SHANK2: variants seen among roughly 807,000 people sequenced by gnomAD.
SHANK2 encodes the protein SH3 and multiple ankyrin repeat domains protein 2.
In SHANK2, 43 loss-of-function variants were observed where a neutral mutation model predicts 133.7. The observed-to-expected ratio is 0.32, with a 90% confidence interval of 0.25 to 0.41. The LOEUF (loss-of-function observed/expected upper bound fraction) is 0.41, where lower values mean the gene tolerates loss of function less well. Ranked by LOEUF, SHANK2 falls within the 10% of genes least tolerant of loss-of-function variation. The pLI, the probability that SHANK2 is intolerant of heterozygous loss-of-function variation, is 1.00. For missense variants in SHANK2, 1,994 were observed against 2,235.8 expected, an observed-to-expected ratio of 0.89 and a Z score of 2.18; for synonymous variants, 1,017 against 952.8, an observed-to-expected ratio of 1.07 and a Z score of -1.24.
chr11:71,200,843 C>T (rs1312192408), intron 2 of SHANK2, among the ~76,000 whole-genome samples: 1 of 151,628 alleles, frequency 6.6e-6, no homozygotes, highest in African/African-American at 2.4e-5. Context: ...CACACACACA[C>T]ACACACACAC....
At chr11:70,753,970 CCTGA>C (rs570840219) in intron 14 of SHANK2, among the ~76,000 whole-genome samples, 43 of 152,284 alleles carry the variant, frequency 2.8e-4, no homozygotes, top group East Asian at 1.7e-3. Context: ...CACCACCATG[CCTGA>C]CTAATTTTTG....
At chr11:70,776,091 G>C (rs541372974) in intron 14 of SHANK2, among the ~76,000 whole-genome samples, 1 of 152,370 alleles carries the variant, frequency 6.6e-6, no homozygotes, top group African/African-American at 2.4e-5. Context: ...CCAAGCAAGA[G>C]AACGCAGGTC....
intron 14 of SHANK2, among the ~76,000 whole-genome samples, chr11:70,772,122 G>A (rs1445412865): frequency 6.6e-6 from 1 of 152,114 alleles, no homozygotes; most frequent in Non-Finnish European, 1.5e-5. Context: ...TGGGGCCCGT[G>A]TAACAGTGGG....
intron 17 of SHANK2, among the ~76,000 whole-genome samples, chr11:70,508,134 C>T (rs554858947): frequency 1.3e-5 from 2 of 152,354 alleles, no homozygotes; most frequent in Middle Eastern, 3.4e-3. Flanking sequence ...ACAGCCTGTG[C>T]CCGGCTCTGA....
At chr11:70,509,748 G>GTTACATC (rs1554969003) in intron 17 of SHANK2, among the ~76,000 whole-genome samples, 320 of 152,310 alleles carry the variant, frequency 2.1e-3, no homozygotes, top group Non-Finnish European at 3.9e-3. Context: ...ATGAGGCGGA[G>GTTACATC]CCTTCGTGAA....
intron 11 of SHANK2, among the ~76,000 whole-genome samples, chr11:70,877,468 A>G (rs1194527565): frequency 6.6e-6 from 1 of 152,190 alleles, no homozygotes; most frequent in Non-Finnish European, 1.5e-5. Context: ...AACTGAATGA[A>G]GCCACCGTGA....
intron 17 of SHANK2, among the ~76,000 whole-genome samples, chr11:70,580,470 C>T (rs182399527): frequency 2.0e-5 from 3 of 152,356 alleles, no homozygotes; most frequent in Admixed American, 2.0e-4. Context: ...TGAAATTGGA[C>T]CGCCAATGAG....
At chr11:70,939,379 G>A (rs1950614490) in intron 10 of SHANK2, among the ~76,000 whole-genome samples, 1 of 152,174 alleles carries the variant, frequency 6.6e-6, no homozygotes, top group Non-Finnish European at 1.5e-5. Flanking sequence ...TCGGGAGGCT[G>A]AGGAAGGAGA....
At chr11:70,944,377 T>G (rs1053832901) in intron 10 of SHANK2, among the ~76,000 whole-genome samples, 8 of 152,182 alleles carry the variant, frequency 5.3e-5, no homozygotes, top group African/African-American at 1.9e-4. Flanking sequence ...AGTCCAGGTC[T>G]TCCTGTCCCC....
chr11:71,169,734 G>A (rs933915481), intron 2 of SHANK2, among the ~76,000 whole-genome samples: 1 of 104,382 alleles, frequency 9.6e-6, no homozygotes, highest in Non-Finnish European at 1.9e-5. Flanking sequence ...CACCCTGGGT[G>A]AAAGAATAAG....
chr11:70,514,105 G>A (rs1274653813), intron 17 of SHANK2, among the ~76,000 whole-genome samples: 1 of 152,140 alleles, frequency 6.6e-6, no homozygotes, highest in Non-Finnish European at 1.5e-5. Context: ...CAAAGACAAG[G>A]TGAGAATCTT....
intron 12 of SHANK2, among the ~76,000 whole-genome samples, chr11:70,815,575 G>A (rs1948376120): frequency 6.6e-6 from 1 of 152,200 alleles, no homozygotes; most frequent in Non-Finnish European, 1.5e-5. Context: ...TGGGCCCGGT[G>A]AGCTCCTTGG....
At chr11:71,158,499 T>C (rs1952947123) in intron 2 of SHANK2, among the ~76,000 whole-genome samples, 1 of 152,220 alleles carries the variant, frequency 6.6e-6, no homozygotes, top group African/African-American at 2.4e-5. Context: ...TGAAGAGCTA[T>C]ACAATGATCA....
Position 70,502,840 on chromosome 11 carries a change from G to A in SHANK2, c.2153C>T (p.Thr718Met), listed in dbSNP as rs782715415. 10 of 1,600,324 alleles carry A rather than the reference G, an allele frequency of 6.2e-6. No homozygotes were observed. The highest frequency in any genetic ancestry group is 2.3e-5 in the East Asian group (1 of 44,292). The change falls in exon 18 of 26, where the codon ACG becomes ATG. Residue 718 changes from threonine to methionine, a missense_variant. Around this residue, in one of 5 missense-constraint regions of SHANK2, gnomAD observed 488 missense variants for 642.6 expected, o/e 0.76. Transcript: ENST00000601538. ...GTCGGGGTCCAGATTCCTGGTCACC[G>A]TGACCACCTTAAGGACCAGGTGATT... ...GGNHLVLKVV[T>M]VTRNLDPDDT...
At position 70,757,018 on chromosome 11, in the gene SHANK2, G is replaced by T. The variant is rs112655334; in HGVS notation, c.1777+41425C>A. Reference sequence around the variant, plus strand: ...ACTAGCAGTTTCCATGATATTGGACGTTTGGCAAGGATTATGGAGGGGAGC... The same window carrying T: ...ACTAGCAGTTTCCATGATATTGGACTTTTGGCAAGGATTATGGAGGGGAGC... On this transcript the variant is annotated intron_variant, in intron 14 of 25. Transcript: ENST00000601538. 5.4e-3 allele frequency among the ~76,000 whole-genome samples: 826 copies of T among 152,308 alleles called. 6 individuals are homozygous for T. Among genetic ancestry groups the T allele is most frequent in the African/African-American group, 0.019 (807 of 41,568 alleles).
At chr11:70,789,634 C>T (rs1426457829) in intron 14 of SHANK2, among the ~76,000 whole-genome samples, 1 of 152,214 alleles carries the variant, frequency 6.6e-6, no homozygotes. Context: ...GCATACGGCA[C>T]AGGACATGCC....
chr11:71,126,842 G>C (rs1205623593), intron 3 of SHANK2, among the ~76,000 whole-genome samples: 4 of 151,594 alleles, frequency 2.6e-5, no homozygotes, highest in Admixed American at 6.6e-5. Context: ...TGAGTGGCTG[G>C]GACTACAGGT....
intron 14 of SHANK2, among the ~76,000 whole-genome samples, chr11:70,790,410 T>C (rs1947763420): frequency 6.6e-6 from 1 of 152,174 alleles, no homozygotes; most frequent in South Asian, 2.1e-4. Context: ...AGCCTAGGTG[T>C]TGCTGGGAGG....
At chr11:70,788,638 C>T (rs1200910401) in intron 14 of SHANK2, among the ~76,000 whole-genome samples, 1 of 152,108 alleles carries the variant, frequency 6.6e-6, no homozygotes, top group Admixed American at 6.6e-5. Flanking sequence ...GAGGTAGCCC[C>T]TGAAGATAAC....
Sources: allele counts gnomAD v4.1 joint callset (sites outside exome capture counted in the v4.1 genomes callset), GRCh38; gene constraint gnomAD v4.1.1; regional missense constraint gnomAD v4.1.1; transcripts MANE v1.5; gene names NCBI Gene and HGNC (gene_info 2026-07-23, HGNC 2026-07-21).